STARD9: variants seen among roughly 807,000 people sequenced by gnomAD.
The protein encoded by STARD9 is stAR-related lipid transfer protein 9.
A neutral mutation model predicts 399.8 loss-of-function variants in STARD9; 346 were observed. The observed-to-expected ratio is 0.87, with a 90% CI of 0.79 to 0.95. The LOEUF is 0.95. Ranked by LOEUF, STARD9 falls within the 40% of genes least tolerant of loss-of-function variation. The pLI is 0.00. For synonymous variants in STARD9, 2,203 were observed against 2,143.5 expected (o/e 1.03, Z -0.77); for missense variants, 5,832 against 5,667.5 (o/e 1.03, Z -0.93).
chr15:42,719,324 T>A (rs955897135), intron 32 of STARD9, 149 bp from the exon 33 acceptor site: 1 of 611,166 alleles, frequency 1.6e-6, no homozygotes, highest in Non-Finnish European at 2.9e-6. Context: ...TAGATCTGGA[T>A]GGCAGAGCCC....
chr15:42,583,221 G>C, intron 1 of STARD9, 125 bp from the exon 2 acceptor site: 1 of 657,172 alleles, frequency 1.5e-6, no homozygotes, highest in Non-Finnish European at 2.5e-6. Context: ...GCCATTTATG[G>C]AGACAGACGC....
In STARD9 at chr15:42,638,586, A is replaced by G. The variant is rs182806011; in HGVS notation, c.447-114A>G. On this transcript the variant is annotated intron_variant, in intron 6 of 32. Coordinates refer to ENST00000290607, the MANE Select transcript of STARD9 (RefSeq NM_020759.3). ...GGAACCTTGGCTTGATCATTGCCTTAGAGTGTCAGAAGTGGAGCTGGAACA... is the reference window on the plus strand; with the variant it reads ...GGAACCTTGGCTTGATCATTGCCTTGGAGTGTCAGAAGTGGAGCTGGAACA... 1.3e-3 allele frequency: 832 copies of G among 650,026 alleles called. 3 individuals are homozygous for G. The African/African-American group carries it at 0.014, about 11-fold the overall frequency. The allele number at this position is 650,026 out of a possible 1,614,324, so 40.3% of individuals were successfully genotyped here.
chr15:42,695,029 A>C, intron 24 of STARD9, 111 bp from the exon 25 acceptor site: 1 of 941,286 alleles, frequency 1.1e-6, no homozygotes, highest in Non-Finnish European at 1.5e-6. Context: ...CCTGTGGGCA[A>C]ATGGAGGTTG....
In STARD9 at chr15:42,719,505, G is replaced by C; in HGVS notation, c.14034G>C (p.Gln4678His). The C allele has an allele frequency of 1.3e-6, 2 of 1,537,194 alleles. No individual in the cohort carries two copies. The highest frequency in any genetic ancestry group is 1.7e-6 in the Non-Finnish European group (2 of 1,146,872). The stretch of plus-strand genomic sequence containing the variant: ...TTGGTGCTCCAGGCTTCCCACCTCA[G>C]CTCCTGAGCTCTTTCATCAAACGGC... The part of the protein sequence containing the change: ...VELGAPGFPP[Q>H]LLSSFIKRQP... Residue 4678 changes from glutamine (Q) to histidine (H), a missense_variant, in exon 33 of 33, where the codon CAG (glutamine) becomes CAC (histidine). This residue lies in a region of STARD9 where 5,828 missense variants were observed against 5,651.1 expected (regional missense o/e 1.03). Transcript: ENST00000290607.
intron 3 of STARD9, among the ~76,000 whole-genome samples, chr15:42,613,545 GATA>G (rs1333384612): frequency 1.3e-5 from 2 of 152,132 alleles, no homozygotes; most frequent in Non-Finnish European, 2.9e-5. Flanking sequence ...ATAAAATGAG[GATA>G]ATAATAATAC....
chr15:42,581,769 C>A lies in STARD9; in HGVS notation c.48-1577C>A, dbSNP rs1203008163. Among the ~76,000 whole-genome samples, 6 of 152,284 alleles carry A rather than the reference C, an allele frequency of 3.9e-5. No homozygotes were observed. The East Asian group carries it at 9.6e-4, about 24-fold the overall frequency. ...GTCTGTAAAATAGGGATAACTACTT[C>A]AATAGTTTTTATGAACATTTGATAA... On this transcript the variant is annotated intron_variant, in intron 1 of 32. Transcript: ENST00000290607.
chr15:42,596,480 T>C (rs1053561233), intron 3 of STARD9, among the ~76,000 whole-genome samples: 4 of 152,170 alleles, frequency 2.6e-5, no homozygotes, highest in African/African-American at 7.2e-5. Context: ...CGAGAGGATA[T>C]AAAATGAACA....
intron 26 of STARD9, among the ~76,000 whole-genome samples, chr15:42,702,016 A>T (rs1380762348): frequency 1.3e-5 from 2 of 149,632 alleles, no homozygotes; most frequent in Non-Finnish European, 3.0e-5. Flanking sequence ...AAAAAAAAAA[A>T]GCTGAATGCA....
At chr15:42,580,363 G>A (rs1595572613) in intron 1 of STARD9, among the ~76,000 whole-genome samples, 1 of 152,272 alleles carries the variant, frequency 6.6e-6, no homozygotes, top group East Asian at 1.9e-4. Context: ...CCATAGGTGG[G>A]ATACAAAGGA....
chr15:42,688,998 A>AT lies in STARD9; in HGVS notation c.7421dup (p.Arg2475LysfsTer10). The stretch of plus-strand genomic sequence containing the variant: ...AGCCGAGGTGGCTGTACAAAAAGAA[A>AT]TAAGAGTCAGTTCACTGAACAAGGT... On this transcript the variant is annotated frameshift_variant, in exon 23 of 33. Transcript: ENST00000290607. LOFTEE classifies it high-confidence loss of function. 1 of 1,537,372 alleles carries AT rather than the reference A, an allele frequency of 6.5e-7. No individual in the cohort carries two copies. Among genetic ancestry groups the AT allele is most frequent in the Non-Finnish European group, 8.7e-7 (1 of 1,146,932 alleles).
Position 42,692,544 on chromosome 15 carries a change from A to C in STARD9, c.10966A>C (p.Ile3656Leu). 6.5e-7 allele frequency: 1 copy of C among 1,537,206 alleles called. No homozygotes were observed. The highest frequency in any genetic ancestry group is 8.7e-7 in the Non-Finnish European group (1 of 1,146,914). The part of the protein sequence containing the change: ...GSRRHWSSTD[I>L]SFAQPEASAV... Reference sequence around the variant, plus strand: ...CAGGCGCCACTGGAGCAGCACTGACATCTCCTTTGCTCAGCCTGAAGCCAG... The same window carrying C: ...CAGGCGCCACTGGAGCAGCACTGACCTCTCCTTTGCTCAGCCTGAAGCCAG... The change falls in exon 23 of 33, where the codon ATC becomes CTC. Residue 3656 changes from isoleucine to leucine, a missense_variant. By Grantham distance (5) the Ile-to-Leu change is conservative. Coordinates refer to ENST00000290607, the MANE Select transcript of STARD9 (RefSeq NM_020759.3).
rs951310123 is a variant in STARD9, at chr15:42,687,710, T to G, written c.6132T>G (p.Thr2044=). The G allele has an allele frequency of 2.0e-6, 3 of 1,537,330 alleles. No homozygotes were observed. The highest frequency in any genetic ancestry group is 2.7e-5 in the African/African-American group (2 of 73,034). The change falls in exon 23 of 33, where the codon ACT becomes ACG. Residue 2044 remains threonine (T), a synonymous_variant. Transcript: ENST00000290607. ...GKKQNKRVNN[T]DEMARLIRSV... is the part of the protein sequence containing the mutation. ...AACAGAATAAAAGAGTTAATAATAC[T>G]GATGAAATGGCTAGGCTAATTAGGA...
chr15:42,599,394 T>A (rs2058578200), intron 3 of STARD9, among the ~76,000 whole-genome samples: 1 of 152,224 alleles, frequency 6.6e-6, no homozygotes, highest in Admixed American at 6.5e-5. Context: ...ATTTTGGTTA[T>A]TGCCCTTCCC....
At chr15:42,666,888 C>T (rs2060112686) in intron 15 of STARD9, among the ~76,000 whole-genome samples, 1 of 151,916 alleles carries the variant, frequency 6.6e-6, no homozygotes, top group African/African-American at 2.4e-5. Flanking sequence ...GATCTCAGCT[C>T]ACTGCAACCT....
intron 18 of STARD9, 118 bp from the exon 19 acceptor site, chr15:42,675,546 C>A: frequency 1.4e-6 from 1 of 729,206 alleles, no homozygotes; most frequent in Non-Finnish European, 2.3e-6. Flanking sequence ...CTTATCAACT[C>A]AGCAAAATTA....
intron 20 of STARD9, among the ~76,000 whole-genome samples, chr15:42,677,379 C>G (rs903998415): frequency 4.6e-5 from 7 of 152,188 alleles, no homozygotes; most frequent in African/African-American, 1.4e-4. Flanking sequence ...AAGGATGATC[C>G]TAGTGTTGAG....
rs777029356 is a variant in STARD9 at position 42,692,232 on chromosome 15, A to C, written c.10654A>C (p.Asn3552His). The C allele has an allele frequency of 3.4e-5, 53 of 1,536,948 alleles. No homozygotes were observed. The highest frequency in any genetic ancestry group is 4.3e-5 in the Non-Finnish European group (49 of 1,146,890). ...HSSTENAQGS[N>H]EAWEVFRGSS... ...CAGCACTGAGAATGCCCAGGGTTCA[A>C]ATGAGGCCTGGGAAGTATTCCGAGG... The change falls in exon 23 of 33, where the codon AAT (asparagine) becomes CAT (histidine). Residue 3552 changes from asparagine (N) to histidine (H), a missense_variant. Asn to His is a moderately conservative substitution (Grantham distance 68, BLOSUM62 1). This residue lies in a region of STARD9 where 5,828 missense variants were observed against 5,651.1 expected (regional missense o/e 1.03). Coordinates refer to ENST00000290607, the MANE Select transcript of STARD9 (RefSeq NM_020759.3).
chr15:42,716,179 A>G (rs2061346013), intron 26 of STARD9, among the ~76,000 whole-genome samples: 1 of 152,140 alleles, frequency 6.6e-6, no homozygotes, highest in Non-Finnish European at 1.5e-5. Context: ...GGGTAACCCC[A>G]TCTAATCCCC....
At chr15:42,717,862 C>T (rs2061378427) in intron 29 of STARD9, 67 bp downstream of exon 29, 1 of 1,509,434 alleles carries the variant, frequency 6.6e-7, no homozygotes, top group East Asian at 2.5e-5. Flanking sequence ...CTTGGCTTCT[C>T]TCCTCCTTTC....
Sources: gnomAD v4.1 joint callset for allele counts (sites outside exome capture counted in the v4.1 genomes callset) on GRCh38, gnomAD v4.1.1 for gene constraint, gnomAD v4.1.1 regional missense constraint, MANE v1.5 for transcripts, NCBI Gene and HGNC (gene_info 2026-07-23, HGNC 2026-07-21) for gene names.